The following PPP2R3B variants were observed in gnomAD, a reference collection of about 807,000 sequenced individuals.
PPP2R3B encodes the protein protein phosphatase 2 regulatory subunit B''beta.
In PPP2R3B, 68 loss-of-function variants were observed where a neutral mutation model predicts 72.9. The ratio of observed to expected loss-of-function variants is 0.93; its 90% CI spans 0.77 to 1.14. The LOEUF is 1.14. Among genes scored for constraint, PPP2R3B ranks in the 50% most tolerant of loss-of-function variants. The probability of loss-of-function intolerance (pLI) is 0.00; values close to 1 mark genes in which losing one functional copy is unlikely to be tolerated. For missense variants in PPP2R3B, 1,018 were observed against 842.0 expected (o/e 1.21, Z -2.59); for synonymous variants, 466 against 375.8 (o/e 1.24, Z -2.78).
chrX:350,153 C>T (rs775055503), intron 2 of PPP2R3B, among the ~76,000 whole-genome samples: 88 of 152,288 alleles, frequency 5.8e-4, no homozygotes, highest in Non-Finnish European at 8.1e-4. Context: ...TGTCGGGCAC[C>T]GGTGGCCTAA....
rs746048510 is a variant in PPP2R3B at position 386,465 on chromosome X, G to A, written c.227C>T (p.Thr76Ile). The change falls in exon 1 of 13, where the codon ACC becomes ATC. Residue 76 changes from threonine (T) to isoleucine (I), a missense_variant. By Grantham distance (89) the Thr-to-Ile change is moderately conservative. Coordinates refer to ENST00000390665, the MANE Select transcript of PPP2R3B (RefSeq NM_013239.5). ...GGGCAGCGCAGGGCCCGGCCCGGGG[G>A]TTCCCGGGGGTTCGAGCCCGCTGGG... Reference protein sequence around the residue: ...PRPSGLEPPGTPGPGPALPLG... With the variant: ...PRPSGLEPPGIPGPGPALPLG... 9 of 1,290,384 alleles carry A rather than the reference G, an allele frequency of 7.0e-6. No homozygotes were observed. The highest frequency in any genetic ancestry group is 8.9e-6 in the Non-Finnish European group (9 of 1,016,902). 79.9% of individuals were successfully genotyped at this position (1,290,384 alleles called of 1,614,324 possible). A position where few individuals can be genotyped will look rare whatever the true frequency, so the allele number is the denominator to read the frequency against.
chrX:378,825 T>C lies in PPP2R3B; in HGVS notation c.324+7543A>G, dbSNP rs757771181. ...CTATGAAAACGTGAATAGGTCGTTGTTACGAAGGCAGTGAGAACTGAACGC... is the reference window on the plus strand; with the variant it reads ...CTATGAAAACGTGAATAGGTCGTTGCTACGAAGGCAGTGAGAACTGAACGC... On this transcript the variant is annotated intron_variant, in intron 1 of 12. Transcript: ENST00000390665. 1.2e-3 allele frequency among the ~76,000 whole-genome samples: 179 copies of C among 152,266 alleles called. 1 individual carries two copies. The Middle Eastern group carries it at 0.02, about 17-fold the overall frequency.
chrX:366,899 A>G (rs867315571), intron 1 of PPP2R3B, among the ~76,000 whole-genome samples: 34 of 145,162 alleles, frequency 2.3e-4, no homozygotes, highest in South Asian at 1.1e-3. Context: ...GTGGTGGCGC[A>G]TGCCTGTAAT....
chrX:361,365 T>A (rs759215241), intron 2 of PPP2R3B, 40 bp downstream of exon 2: 31 of 1,609,224 alleles, frequency 1.9e-5, no homozygotes, highest in Middle Eastern at 1.7e-4. Context: ...ATGCCCGCAG[T>A]ACCACCTCGG....
At chrX:339,113 C>T (rs2070981348) in intron 10 of PPP2R3B, among the ~76,000 whole-genome samples, 1 of 147,654 alleles carries the variant, frequency 6.8e-6, no homozygotes, top group African/African-American at 2.5e-5. Context: ...CGACTAGGGG[C>T]CACCGGTGCC....
At chrX:358,860 G>A (rs1227121193) in intron 2 of PPP2R3B, among the ~76,000 whole-genome samples, 2 of 147,562 alleles carry the variant, frequency 1.4e-5, no homozygotes, top group Admixed American at 6.8e-5. Context: ...GCACCGTGGG[G>A]ATGAAGCACC....
chrX:346,056 T>TGGGAGA (rs2071200227), intron 6 of PPP2R3B, 118 bp downstream of exon 6: 14 of 397,774 alleles, frequency 3.5e-5, no homozygotes, highest in Non-Finnish European at 5.8e-5. Context: ...GGGGTGGGGG[T>TGGGAGA]GGGGGTGGGA....
chrX:354,034 AGGG>A lies in PPP2R3B; in HGVS notation c.511-6344_511-6342del, dbSNP rs1489294249. On this transcript the variant is annotated intron_variant, in intron 2 of 12. Coordinates refer to ENST00000390665, the MANE Select transcript of PPP2R3B (RefSeq NM_013239.5). ...TCACCCAGGGAGCAGGGGCTCGCCCAGGGACCAGGGGCTCACCCAAAGACCGGG... is the reference window on the plus strand; with the variant it reads ...TCACCCAGGGAGCAGGGGCTCGCCCAACCAGGGGCTCACCCAAAGACCGGG... Among the ~76,000 whole-genome samples the A allele has an allele frequency of 6.6e-4, 83 of 125,544 alleles. 2 individuals are homozygous for A. The highest frequency in any genetic ancestry group is 3.3e-3 in the East Asian group (11 of 3,314). The allele number at this position is 125,544 out of a possible 152,430, so 82.4% of individuals were successfully genotyped here. A position where few individuals can be genotyped will look rare whatever the true frequency, so the allele number is the denominator to read the frequency against.
chrX:346,448 T>C (rs2071216175), intron 5 of PPP2R3B, 188 bp from the exon 6 acceptor site: 1 of 646,478 alleles, frequency 1.5e-6, no homozygotes, highest in Admixed American at 3.1e-5. Flanking sequence ...GCGGGGAGGG[T>C]CTGGCCGGGG....
rs1295998514 is a variant in PPP2R3B at position 343,888 on chromosome X, C to T, written c.1036+1628G>A. Among the ~76,000 whole-genome samples the T allele has an allele frequency of 4.6e-5, 2 of 43,200 alleles. 1 individual carries two copies. The highest frequency in any genetic ancestry group is 2.4e-4 in the African/African-American group (2 of 8,450). 28.3% of individuals were successfully genotyped at this position (43,200 alleles called of 152,430 possible). A position where few individuals can be genotyped will look rare whatever the true frequency, so the allele number is the denominator to read the frequency against. ...GGAGTGAGACCTCAGCAACGGGAGG[C>T]GGGAGGGAGACCTCACCAAGGAGAG... On this transcript the variant is annotated intron_variant, in intron 7 of 12. Coordinates refer to ENST00000390665, the MANE Select transcript of PPP2R3B (RefSeq NM_013239.5).
At chrX:342,079 C>A in intron 7 of PPP2R3B, 148 bp from the exon 8 acceptor site, 1 of 863,342 alleles carries the variant, frequency 1.2e-6, no homozygotes, top group South Asian at 1.4e-5. Context: ...GATGCCCCTG[C>A]ACGGCCCATC....
chrX:335,823 CAAT>C (rs1483653002), intron 12 of PPP2R3B: 1 of 152,184 alleles, frequency 6.6e-6, no homozygotes, highest in Non-Finnish European at 1.5e-5. Context: ...GAAATACCAA[CAAT>C]AACCCACTGA....
chrX:382,364 A>AT (rs1442457164), intron 1 of PPP2R3B, among the ~76,000 whole-genome samples: 1 of 151,598 alleles, frequency 6.6e-6, no homozygotes, highest in Non-Finnish European at 1.5e-5. Flanking sequence ...CACCCAGCTA[A>AT]TTTTTGTATT....
intron 12 of PPP2R3B, chrX:335,075 C>CCT (rs1431772643): frequency 6.6e-6 from 1 of 152,420 alleles, no homozygotes; most frequent in Non-Finnish European, 1.5e-5. Flanking sequence ...TGTGGGGACA[C>CCT]CTCTGCTTTC....
At chrX:346,319 A>C in intron 5 of PPP2R3B, 59 bp from the exon 6 acceptor site, 1 of 1,498,270 alleles carries the variant, frequency 6.7e-7, no homozygotes, top group Non-Finnish European at 9.1e-7. Context: ...CTCGCCCCGC[A>C]CGGAGACCGG....
intron 2 of PPP2R3B, among the ~76,000 whole-genome samples, chrX:353,901 A>G (rs866881654): frequency 3.7e-5 from 4 of 108,822 alleles, no homozygotes; most frequent in African/African-American, 1.2e-4. Flanking sequence ...CCGGGGGCTC[A>G]CCCAAAGACT....
intron 3 of PPP2R3B, 64 bp from the exon 4 acceptor site, chrX:347,400 AG>A: frequency 6.8e-7 from 1 of 1,466,784 alleles, no homozygotes; most frequent in African/African-American, 1.4e-5. Context: ...CCGCAGACGC[AG>A]GGTGGAACAC....
intron 2 of PPP2R3B, among the ~76,000 whole-genome samples, chrX:348,292 CTGG>C (rs2071264907): frequency 1.3e-4 from 1 of 7,508 alleles, no homozygotes; most frequent in Non-Finnish European, 3.1e-4. Flanking sequence ...TTAACCCTGG[CTGG>C]CTGGGCGTGG....
chrX:376,289 GAACCACC>G (rs2071991674), intron 1 of PPP2R3B, among the ~76,000 whole-genome samples: 3 of 92,574 alleles, frequency 3.2e-5, no homozygotes, highest in Admixed American at 1.1e-4. Flanking sequence ...TGGAGCCCTC[GAACCACC>G]TCTGGATGCA....
Sources: allele counts gnomAD v4.1 joint callset (sites outside exome capture counted in the v4.1 genomes callset), GRCh38; gene constraint gnomAD v4.1.1; transcripts MANE v1.5; gene names NCBI Gene and HGNC (gene_info 2026-07-23, HGNC 2026-07-21).